TRAPPC2: variants seen among roughly 807,000 people sequenced by gnomAD.
TRAPPC2 encodes the protein trafficking protein particle complex subunit 2.
Under a neutral mutation model 10.0 loss-of-function variants are expected in TRAPPC2, and 4 were observed. The observed-to-expected ratio is 0.40, with a 90% CI of 0.20 to 0.92. The LOEUF (loss-of-function observed/expected upper bound fraction) is 0.92. Ranked by LOEUF, TRAPPC2 falls within the 40% of genes least tolerant of loss-of-function variation. The probability of loss-of-function intolerance (pLI) is 0.35; values close to 1 mark genes in which losing one functional copy is unlikely to be tolerated. For missense variants in TRAPPC2, 52 were observed against 108.7 expected, an observed-to-expected ratio of 0.48 and a Z score of 2.32; for synonymous variants, 36 against 37.3, an observed-to-expected ratio of 0.97 and a Z score of 0.12.
At chrX:13,731,175 G>A (rs2046669458) in intron 2 of TRAPPC2, among the ~76,000 whole-genome samples, 4 of 112,237 alleles carry the variant, frequency 3.6e-5, no homozygotes, top group Admixed American at 2.8e-4. Flanking sequence ...GCTGATCAGT[G>A]ACATTTGAGA....
Position 13,713,115 on chromosome X carries a change from A to C in TRAPPC2, c.*1292T>G, listed in dbSNP as rs2046236732. The C allele has an allele frequency of 1.9e-5, 2 of 106,275 alleles. No homozygotes were observed. Among genetic ancestry groups the C allele is most frequent in the African/African-American group, 3.5e-5 (1 of 28,926 alleles). 8.8% of individuals were successfully genotyped at this position (106,275 alleles called of 1,213,427 possible). ...CGAAACTCCATCTCAAAAAAAAAAA[A>C]AAAACCCCAAAGATCAACCTATCTG... On this transcript the variant is annotated 3_prime_UTR_variant, in exon 6 of 6. Coordinates refer to ENST00000380579, the MANE Select transcript of TRAPPC2 (RefSeq NM_001011658.4).
rs1177318928 is a variant in TRAPPC2 at position 13,734,155 on chromosome X, T to C, written c.-131A>G. 1 of 507,381 alleles carries C rather than the reference T, an allele frequency of 2.0e-6. No individual in the cohort carries two copies. The highest frequency in any genetic ancestry group is 2.5e-5 in the South Asian group (1 of 39,312). 41.8% of individuals were successfully genotyped at this position (507,381 alleles called of 1,213,427 possible). On this transcript the variant is annotated 5_prime_UTR_variant, in exon 2 of 6. Transcript: ENST00000380579. Reference sequence around the variant, plus strand: ...CATCTGGCAATATCTGGAGACATCTTTGGTTGTCACACTTGGGGGAGAAGG... The same window carrying C: ...CATCTGGCAATATCTGGAGACATCTCTGGTTGTCACACTTGGGGGAGAAGG...
Position 13,714,333 on chromosome X carries a change from A to G in TRAPPC2, c.*74T>C. On this transcript the variant is annotated 3_prime_UTR_variant, in exon 6 of 6. Coordinates refer to ENST00000380579, the MANE Select transcript of TRAPPC2 (RefSeq NM_001011658.4). ...CAAAAGTTTTCCAGGCTATTTAATC[A>G]AGTAACTTACAATGTACACATTCCT... 3 of 636,720 alleles carry G rather than the reference A, an allele frequency of 4.7e-6. No homozygotes were observed. Among genetic ancestry groups the G allele is most frequent in the Non-Finnish European group, 7.0e-6 (3 of 430,605 alleles). 52.5% of individuals were successfully genotyped at this position (636,720 alleles called of 1,213,427 possible).
chrX:13,723,892 A>C (rs1465367843), intron 2 of TRAPPC2, among the ~76,000 whole-genome samples: 1 of 111,681 alleles, frequency 9.0e-6, no homozygotes, highest in Non-Finnish European at 1.9e-5. Context: ...GTTGCTCATC[A>C]GCTGACCTTA....
chrX:13,725,887 G>T (rs989303690), intron 2 of TRAPPC2, among the ~76,000 whole-genome samples: 2 of 111,720 alleles, frequency 1.8e-5, no homozygotes, highest in African/African-American at 6.5e-5. Context: ...TGGCTAACTA[G>T]AATAAACAGT....
chrX:13,732,553 T>C (rs1025856732), intron 2 of TRAPPC2, among the ~76,000 whole-genome samples: 2 of 112,797 alleles, frequency 1.8e-5, no homozygotes, highest in Non-Finnish European at 3.7e-5. Flanking sequence ...CAATTATCCA[T>C]GTCTGCTATG....
At chrX:13,733,367 T>C (rs777426383) in intron 2 of TRAPPC2, among the ~76,000 whole-genome samples, 5 of 111,660 alleles carry the variant, frequency 4.5e-5, no homozygotes, top group African/African-American at 1.6e-4. Context: ...TTATTTTTTC[T>C]CCCAAATTCA....
In TRAPPC2 at chrX:13,715,989, T is replaced by C. The variant is rs779750221; in HGVS notation, c.324+15A>G. On this transcript the variant is annotated intron_variant, in intron 5 of 5. Transcript: ENST00000380579. The stretch of plus-strand genomic sequence containing the variant: ...CTTTCTCATCAGAATTTAAAAATTA[T>C]AGAACATACCATACCTTTATATATA... 1.7e-6 allele frequency: 2 copies of C among 1,174,807 alleles called. No homozygotes were observed. Among genetic ancestry groups the C allele is most frequent in the Admixed American group, 2.4e-5 (1 of 42,250 alleles).
chrX:13,734,620 C>A lies in TRAPPC2; in HGVS notation c.-257G>T. 1.2e-6 allele frequency: 1 copy of A among 814,405 alleles called. No individual in the cohort carries two copies. The highest frequency in any genetic ancestry group is 1.5e-6 in the Non-Finnish European group (1 of 661,911). 67.1% of individuals were successfully genotyped at this position (814,405 alleles called of 1,213,427 possible). On this transcript the variant is annotated 5_prime_UTR_variant, in exon 1 of 6. Transcript: ENST00000380579. ...AGCCAGAACGCCGAAGCAGTTCTCG[C>A]GATACCCTGGGATGTGCTCTCGCGA...
Position 13,712,380 on chromosome X carries a change from T to C in TRAPPC2, c.*2027A>G, listed in dbSNP as rs1357121577. ...AACAAAATTGTTCAAGTGCTCCCAA[T>C]TAGCACAGGCTGTATTACTTGCTTT... On this transcript the variant is annotated 3_prime_UTR_variant, in exon 6 of 6. Coordinates refer to ENST00000380579, the MANE Select transcript of TRAPPC2 (RefSeq NM_001011658.4). The C allele has an allele frequency of 8.9e-6, 1 of 112,290 alleles. No homozygotes were observed. The highest frequency in any genetic ancestry group is 1.9e-5 in the Non-Finnish European group (1 of 53,278). 9.3% of individuals were successfully genotyped at this position (112,290 alleles called of 1,213,427 possible).
chrX:13,714,220 T>A lies in TRAPPC2; in HGVS notation c.*187A>T, dbSNP rs1427810998. ...AACACTGTTCACAAGGAAATACCAA[T>A]TGATCTATTGATACGTGACATGAGA... On this transcript the variant is annotated 3_prime_UTR_variant, in exon 6 of 6. Transcript: ENST00000380579. The A allele has an allele frequency of 8.9e-5, 25 of 282,128 alleles. No individual in the cohort carries two copies. The highest frequency in any genetic ancestry group is 9.8e-4 in the Middle Eastern group (1 of 1,023). 23.3% of individuals were successfully genotyped at this position (282,128 alleles called of 1,213,427 possible).
chrX:13,734,065 G>T lies in TRAPPC2; in HGVS notation c.-41C>A. On this transcript the variant is annotated 5_prime_UTR_variant, in exon 2 of 6. Transcript: ENST00000380579. ...TCACCTTTACCTCACAGCACACAAT[G>T]GTTGGTACTCTAAAACGTTTAGCTC... 1.9e-6 allele frequency: 1 copy of T among 514,724 alleles called. No individual in the cohort carries two copies. Among genetic ancestry groups the T allele is most frequent in the Non-Finnish European group, 3.5e-6 (1 of 286,726 alleles). 42.4% of individuals were successfully genotyped at this position (514,724 alleles called of 1,213,427 possible).
intron 4 of TRAPPC2, 72 bp downstream of exon 4, chrX:13,716,462 C>CT: frequency 1.8e-6 from 2 of 1,140,871 alleles, no homozygotes; most frequent in Non-Finnish European, 2.4e-6. Flanking sequence ...AGCCTGGCAT[C>CT]TATGTTCCAT....
intron 2 of TRAPPC2, chrX:13,721,840 G>A (rs755405379): frequency 1.8e-5 from 2 of 110,257 alleles, no homozygotes; most frequent in South Asian, 3.8e-4. Context: ...ATCATTTTGC[G>A]ACCATCTAAG....
At chrX:13,722,931 T>C (rs1057259228) in intron 2 of TRAPPC2, among the ~76,000 whole-genome samples, 2 of 109,809 alleles carry the variant, frequency 1.8e-5, no homozygotes, top group Non-Finnish European at 3.8e-5. Context: ...AGTGTGGTGG[T>C]GGGCACCTGT....
intron 2 of TRAPPC2, among the ~76,000 whole-genome samples, chrX:13,723,700 A>C (rs748922401): frequency 6.3e-5 from 7 of 110,942 alleles, no homozygotes; most frequent in Non-Finnish European, 1.3e-4. Context: ...TTGAGGAGGT[A>C]GCTACACAGA....
At chrX:13,726,718 C>T (rs1406423918) in intron 2 of TRAPPC2, among the ~76,000 whole-genome samples, 1 of 111,588 alleles carries the variant, frequency 9.0e-6, no homozygotes, top group Admixed American at 9.5e-5. Context: ...AAATAACCAG[C>T]GAACATCATA....
intron 2 of TRAPPC2, among the ~76,000 whole-genome samples, chrX:13,730,235 A>C (rs1477684855): frequency 9.0e-6 from 1 of 111,101 alleles, no homozygotes; most frequent in Non-Finnish European, 1.9e-5. Flanking sequence ...GAAAAAAAAA[A>C]ACCCCATCAA....
chrX:13,720,660 A>T, intron 2 of TRAPPC2: 1 of 112,155 alleles, frequency 8.9e-6, no homozygotes, highest in Non-Finnish European at 1.9e-5. Flanking sequence ...AGAGTTTTGT[A>T]TTCTAGAAAA....
Sources: allele counts gnomAD v4.1 joint callset (sites outside exome capture counted in the v4.1 genomes callset), GRCh38; gene constraint gnomAD v4.1.1; transcripts MANE v1.5; gene names NCBI Gene and HGNC (gene_info 2026-07-23, HGNC 2026-07-21).